Variants in SPIRE1 observed in about 807,000 individuals in gnomAD.
SPIRE1 encodes spire type actin nucleation factor 1.
A neutral mutation model predicts 94.1 loss-of-function variants in SPIRE1; 40 were observed. The observed-to-expected ratio is 0.43, with a 90% CI of 0.33 to 0.55. The LOEUF (loss-of-function observed/expected upper bound fraction) is 0.55, where lower values mean the gene tolerates loss of function less well. Among genes scored for constraint, SPIRE1 ranks in the 20% least tolerant of loss-of-function variants. The pLI is 0.06. For synonymous variants in SPIRE1, 376 were observed against 371.7 expected (o/e 1.01, Z -0.13); for missense variants, 838 against 975.2 (o/e 0.86, Z 1.87).
chr18:12,555,580 T>G (rs1028799836), intron 2 of SPIRE1, among the ~76,000 whole-genome samples: 1 of 152,178 alleles, frequency 6.6e-6, no homozygotes. Context: ...ATATGATTAT[T>G]CCAACTGATG....
Position 12,628,616 on chromosome 18 carries a change from T to C in SPIRE1, c.372+6446A>G, listed in dbSNP as rs376678597. ...CATTGGTAGCTTGATGGGGATGGCATTGAATCTATAAATTATCTTGGGCAG... is the reference window on the plus strand; with the variant it reads ...CATTGGTAGCTTGATGGGGATGGCACTGAATCTATAAATTATCTTGGGCAG... On this transcript the variant is annotated intron_variant, in intron 2 of 16. Coordinates refer to ENST00000409402, the MANE Select transcript of SPIRE1 (RefSeq NM_001128626.2). Among the ~76,000 whole-genome samples, 8 of 152,312 alleles carry C rather than the reference T, an allele frequency of 5.3e-5. No homozygotes were observed. The East Asian group carries it at 1.2e-3, about 22-fold the overall frequency.
chr18:12,628,442 G>A (rs1451117165), intron 2 of SPIRE1, among the ~76,000 whole-genome samples: 6 of 152,144 alleles, frequency 3.9e-5, no homozygotes, highest in African/African-American at 1.4e-4. Context: ...TGCTGTTTTG[G>A]TTACTGTAGC....
chr18:12,516,836 T>G (rs1047022189), intron 4 of SPIRE1, among the ~76,000 whole-genome samples: 1 of 152,200 alleles, frequency 6.6e-6, no homozygotes, highest in Non-Finnish European at 1.5e-5. Context: ...CCTGACTAAA[T>G]GTAGTCAGGA....
Position 12,513,489 on chromosome 18 carries a change from CTTTATTTATTTATTTATTTATTTA to C in SPIRE1, c.730-982_730-959del, listed in dbSNP as rs10580270. On this transcript the variant is annotated intron_variant, in intron 4 of 16. Coordinates refer to ENST00000409402, the MANE Select transcript of SPIRE1 (RefSeq NM_001128626.2). ...TTATATGAGAATAATGAATACTTAA[CTTTATTTATTTATTTATTTATTTA>C]TTTATTTATTTATTTATTTATTTAT... 7.1e-4 allele frequency among the ~76,000 whole-genome samples: 102 copies of C among 142,928 alleles called. 1 individual carries two copies. The highest frequency in any genetic ancestry group is 2.2e-3 in the African/African-American group (85 of 38,792). The allele number at this position is 142,928 out of a possible 152,430, so 93.8% of individuals were successfully genotyped here.
rs73407556 is a variant in SPIRE1 at position 12,646,301 on chromosome 18, C to T, written c.338-11205G>A. Among the ~76,000 whole-genome samples, 654 of 152,286 alleles carry T rather than the reference C, an allele frequency of 4.3e-3. 5 individuals carry two copies. The highest frequency in any genetic ancestry group is 0.015 in the African/African-American group (629 of 41,558). On this transcript the variant is annotated intron_variant, in intron 1 of 16. Coordinates refer to ENST00000409402, the MANE Select transcript of SPIRE1 (RefSeq NM_001128626.2). ...CTGTCACCAGGCAGGGTCAGCCACT[C>T]TCTTCTCTGGGCTCTCATAGTTTTC...
intron 1 of SPIRE1, among the ~76,000 whole-genome samples, chr18:12,643,968 C>G (rs991552415): frequency 6.8e-6 from 1 of 147,170 alleles, no homozygotes; most frequent in Admixed American, 6.9e-5. Context: ...GGTGGGGGCG[C>G]GAATCATTTG....
intron 2 of SPIRE1, among the ~76,000 whole-genome samples, chr18:12,590,931 C>T (rs2036517427): frequency 2.0e-5 from 3 of 152,116 alleles, no homozygotes; most frequent in Admixed American, 1.3e-4. Context: ...TATCTATAAA[C>T]AATATATAGT....
In SPIRE1 at chr18:12,447,831, C is replaced by G. The variant is rs2031018555; in HGVS notation, c.*1807G>C. On this transcript the variant is annotated 3_prime_UTR_variant, in exon 17 of 17. Transcript: ENST00000409402. Reference sequence around the variant, plus strand: ...CTAGGTGCATATTTATATACATATACAAATACCATTTCCTTCCCCCTTGTG... The same window carrying G: ...CTAGGTGCATATTTATATACATATAGAAATACCATTTCCTTCCCCCTTGTG... 6.6e-6 allele frequency: 1 copy of G among 152,188 alleles called. No individual in the cohort carries two copies. The highest frequency in any genetic ancestry group is 1.5e-5 in the Non-Finnish European group (1 of 68,042). The allele number at this position is 152,188 out of a possible 1,614,324, so 9.4% of individuals were successfully genotyped here. A position where few individuals can be genotyped will look rare whatever the true frequency, so the allele number is the denominator to read the frequency against.
At chr18:12,661,190 C>T (rs2038689607), upstream of SPIRE1, among the ~76,000 whole-genome samples, 1 of 152,122 alleles carries the variant, frequency 6.6e-6, no homozygotes, top group African/African-American at 2.4e-5. Flanking sequence ...CACCTGTAAT[C>T]CCAGCTACTC....
intron 1 of SPIRE1, among the ~76,000 whole-genome samples, chr18:12,636,865 T>C (rs1319736896): frequency 1.3e-5 from 2 of 152,228 alleles, no homozygotes; most frequent in African/African-American, 4.8e-5. Flanking sequence ...ATGCTTTTGG[T>C]AGTTAAGAAT....
At chr18:12,489,950 G>A (rs2033174660) in intron 8 of SPIRE1, among the ~76,000 whole-genome samples, 1 of 152,170 alleles carries the variant, frequency 6.6e-6, no homozygotes, top group South Asian at 2.1e-4. Flanking sequence ...AGGGGAAAGT[G>A]ATACAAATAT....
At chr18:12,542,392 G>A (rs942522949) in intron 3 of SPIRE1, among the ~76,000 whole-genome samples, 4 of 152,170 alleles carry the variant, frequency 2.6e-5, no homozygotes, top group Non-Finnish European at 4.4e-5. Flanking sequence ...ATAGTCACAT[G>A]TGGCTAGTAA....
chr18:12,635,155 TA>T, intron 1 of SPIRE1, 59 bp from the exon 2 acceptor site: 1 of 916,862 alleles, frequency 1.1e-6, no homozygotes, highest in South Asian at 1.4e-5. Context: ...AAATCATTGA[TA>T]AAAATATTTG....
chr18:12,661,152 AC>A (rs1427305072), upstream of SPIRE1, among the ~76,000 whole-genome samples: 1 of 151,876 alleles, frequency 6.6e-6, no homozygotes, highest in Non-Finnish European at 1.5e-5. Context: ...TACTAAAAAT[AC>A]AAAAATTAGC....
At chr18:12,551,619 G>A (rs1159113734) in intron 2 of SPIRE1, among the ~76,000 whole-genome samples, 1 of 151,920 alleles carries the variant, frequency 6.6e-6, no homozygotes, top group Non-Finnish European at 1.5e-5. Context: ...GCGGGAGAAT[G>A]GCATGGCAGG....
chr18:12,475,239 G>A (rs2032517776), intron 10 of SPIRE1, among the ~76,000 whole-genome samples: 1 of 152,092 alleles, frequency 6.6e-6, no homozygotes, highest in Non-Finnish European at 1.5e-5. Context: ...ACTCTTCCAC[G>A]TGGCTTCTCC....
intron 2 of SPIRE1, among the ~76,000 whole-genome samples, chr18:12,567,616 C>T (rs2035849986): frequency 6.6e-6 from 1 of 152,064 alleles, no homozygotes; most frequent in Non-Finnish European, 1.5e-5. Context: ...CTCCTTTTTC[C>T]CCAATATGCA....
At position 12,559,080 on chromosome 18, in the gene SPIRE1, T is replaced by G. The variant is rs1440676235; in HGVS notation, c.373-12176A>C. 2.0e-5 allele frequency among the ~76,000 whole-genome samples: 3 copies of G among 151,810 alleles called. No homozygotes were observed. The highest frequency in any genetic ancestry group is 7.3e-5 in the African/African-American group (3 of 41,316). ...GCCCGCCAGTCCCGTGCCACGTGCC[T>G]GCACTCCTCAGCCCTTGGGCGGTAG... On this transcript the variant is annotated intron_variant, in intron 2 of 16. Coordinates refer to ENST00000409402, the MANE Select transcript of SPIRE1 (RefSeq NM_001128626.2). The surrounding 1 kb of genome is among the most constrained non-coding windows in gnomAD (Gnocchi z 4.7).
intron 10 of SPIRE1, among the ~76,000 whole-genome samples, chr18:12,469,070 A>G (rs574058192): frequency 6.6e-6 from 1 of 152,284 alleles, no homozygotes; most frequent in South Asian, 2.1e-4. Flanking sequence ...TCTCGAAAAT[A>G]AAAGTCTAAG....
Sources: allele counts gnomAD v4.1 joint callset (sites outside exome capture counted in the v4.1 genomes callset), GRCh38; gene constraint gnomAD v4.1.1; non-coding constraint Gnocchi (gnomAD v3.1); transcripts MANE v1.5; gene names NCBI Gene and HGNC (gene_info 2026-07-23, HGNC 2026-07-21).